Variants in KCNJ6 observed in about 807,000 individuals in gnomAD.
KCNJ6 encodes G protein-activated inward rectifier potassium channel 2.
In KCNJ6, 9 loss-of-function variants were observed where a neutral mutation model predicts 34.2. The observed-to-expected ratio is 0.26, with a 90% CI of 0.16 to 0.46. The LOEUF is 0.46. KCNJ6 is among the 20% of genes least tolerant of loss of function. The pLI, the probability that KCNJ6 is intolerant of heterozygous loss-of-function variation, is 1.00. For synonymous variants in KCNJ6, 196 were observed against 207.1 expected (o/e 0.95, Z 0.46); for missense variants, 236 against 531.3 (o/e 0.44, Z 5.46).
chr21:37,733,524 G>A (rs548771890), intron 2 of KCNJ6, among the ~76,000 whole-genome samples: 1 of 152,242 alleles, frequency 6.6e-6, no homozygotes, highest in African/African-American at 2.4e-5. Flanking sequence ...AAACATCTCC[G>A]CATCTCAGCA....
At chr21:37,632,162 G>A (rs1375408991) in intron 3 of KCNJ6, among the ~76,000 whole-genome samples, 1 of 151,924 alleles carries the variant, frequency 6.6e-6, no homozygotes, top group Non-Finnish European at 1.5e-5. Context: ...CTGGAGAAGA[G>A]GATTTCCAGA....
intron 2 of KCNJ6, among the ~76,000 whole-genome samples, chr21:37,835,052 C>T (rs974280043): frequency 1.6e-4 from 24 of 152,284 alleles, no homozygotes; most frequent in South Asian, 4.1e-4. Flanking sequence ...CCCCTAGGGA[C>T]GCTCTGGCTG....
At chr21:37,727,458 C>CGTGTGT (rs33993661) in intron 2 of KCNJ6, among the ~76,000 whole-genome samples, 7 of 148,030 alleles carry the variant, frequency 4.7e-5, no homozygotes, top group Non-Finnish European at 7.4e-5. Flanking sequence ...TGAGGACTCA[C>CGTGTGT]GTGTGTGTGT....
chr21:37,642,839 A>G (rs2054387283), intron 3 of KCNJ6, among the ~76,000 whole-genome samples: 3 of 152,164 alleles, frequency 2.0e-5, no homozygotes, highest in South Asian at 2.1e-4. Flanking sequence ...ACAAAAAAAG[A>G]TACTTATAAC....
chr21:37,854,180 A>G lies in KCNJ6; in HGVS notation c.-27-13471T>C, dbSNP rs890836850. 3.9e-5 allele frequency among the ~76,000 whole-genome samples: 6 copies of G among 152,034 alleles called. 1 individual carries two copies. The highest frequency in any genetic ancestry group is 1.4e-4 in the African/African-American group (6 of 41,430). ...TAAAAAGCAACTCCAACTACATATCATTAAAAAAAACTCACTTCAAATATA... is the reference window on the plus strand; with the variant it reads ...TAAAAAGCAACTCCAACTACATATCGTTAAAAAAAACTCACTTCAAATATA... On this transcript the variant is annotated intron_variant, in intron 1 of 3. Transcript: ENST00000609713.
chr21:37,759,414 C>T (rs1406476030), intron 2 of KCNJ6, among the ~76,000 whole-genome samples: 1 of 152,156 alleles, frequency 6.6e-6, no homozygotes, highest in Non-Finnish European at 1.5e-5. Flanking sequence ...TGAAACGCGG[C>T]CTCTCCATCC....
chr21:37,835,618 T>C (rs1192667908), intron 2 of KCNJ6, among the ~76,000 whole-genome samples: 4 of 152,216 alleles, frequency 2.6e-5, no homozygotes, highest in Non-Finnish European at 1.5e-5. Context: ...CTCCAATTTG[T>C]CATCATCTGA....
At chr21:37,704,730 C>A (rs2054710380) in intron 3 of KCNJ6, among the ~76,000 whole-genome samples, 1 of 152,024 alleles carries the variant, frequency 6.6e-6, no homozygotes, top group South Asian at 2.1e-4. Context: ...GAATGGAAAC[C>A]CCAGCCGAGC....
At chr21:37,855,370 T>C (rs1038740803) in intron 1 of KCNJ6, among the ~76,000 whole-genome samples, 2 of 152,186 alleles carry the variant, frequency 1.3e-5, no homozygotes, top group Non-Finnish European at 2.9e-5. Context: ...CTTTAGCTTC[T>C]TTATTGGAAC....
chr21:37,798,337 C>T (rs2055252909), intron 2 of KCNJ6, among the ~76,000 whole-genome samples: 1 of 152,170 alleles, frequency 6.6e-6, no homozygotes, highest in Admixed American at 6.5e-5. Flanking sequence ...GCTTTGAGTC[C>T]TCCTTCCCAC....
In KCNJ6 at chr21:37,847,826, A is replaced by G. The variant is rs529775393; in HGVS notation, c.-27-7117T>C. Among the ~76,000 whole-genome samples the G allele has an allele frequency of 2.6e-5, 4 of 152,036 alleles. No homozygotes were observed. In the South Asian group the frequency reaches 8.3e-4, roughly 32 times the overall value. On this transcript the variant is annotated intron_variant, in intron 1 of 3. Transcript: ENST00000609713. ...AAACAGAATAGAGACAGAGAATGAG[A>G]CTGGAGAAAATGTAGTTCTAACTCA...
Position 37,723,701 on chromosome 21 carries a change from G to A in KCNJ6, c.26-8570C>T, listed in dbSNP as rs140362830. Among the ~76,000 whole-genome samples the A allele has an allele frequency of 2.4e-3, 359 of 152,290 alleles. 2 individuals are homozygous for A. Among genetic ancestry groups the A allele is most frequent in the Non-Finnish European group, 4.0e-3 (274 of 68,028 alleles). ...ACTGTATGTTCTCACTTATGAGTAGGAGCTAAACACTGAGGATTAATGGAT... is the reference window on the plus strand; with the variant it reads ...ACTGTATGTTCTCACTTATGAGTAGAAGCTAAACACTGAGGATTAATGGAT... On this transcript the variant is annotated intron_variant, in intron 2 of 3. Transcript: ENST00000609713.
In KCNJ6 at chr21:37,666,771, A is replaced by G. The variant is rs1379319343; in HGVS notation, c.947-41287T>C. Among the ~76,000 whole-genome samples, 3 of 152,034 alleles carry G rather than the reference A, an allele frequency of 2.0e-5. No individual in the cohort carries two copies. The East Asian group carries it at 5.8e-4, about 29-fold the overall frequency. ...TTGTTACTGTGTCTGTGTAGAAAGAAGTAGACATAGGAGACTCCATTTTGT... is the reference window on the plus strand; with the variant it reads ...TTGTTACTGTGTCTGTGTAGAAAGAGGTAGACATAGGAGACTCCATTTTGT... On this transcript the variant is annotated intron_variant, in intron 3 of 3. Transcript: ENST00000609713.
At chr21:37,785,154 G>A (rs9979142) in intron 2 of KCNJ6, among the ~76,000 whole-genome samples, 4,655 of 152,264 alleles carry the variant, frequency 0.031, 124 homozygotes, top group Middle Eastern at 0.058. Flanking sequence ...AGTCTCCTGG[G>A]AGTTTCAGAG....
At chr21:37,692,968 A>C (rs1196131627) in intron 3 of KCNJ6, among the ~76,000 whole-genome samples, 4 of 152,200 alleles carry the variant, frequency 2.6e-5, no homozygotes, top group African/African-American at 4.8e-5. Flanking sequence ...CAAGAGCCAC[A>C]AAGAAACTCA....
chr21:37,747,111 G>A (rs886530232), intron 2 of KCNJ6, among the ~76,000 whole-genome samples: 15 of 152,312 alleles, frequency 9.8e-5, no homozygotes, highest in African/African-American at 3.6e-4. Flanking sequence ...AGAGAGGAAG[G>A]GGAATGGAGG....
chr21:37,661,204 C>A, intron 3 of KCNJ6, among the ~76,000 whole-genome samples: 1 of 152,140 alleles, frequency 6.6e-6, no homozygotes, highest in African/African-American at 2.4e-5. Flanking sequence ...CCTCCCCACT[C>A]CCACCTTTTG....
At chr21:37,784,225 A>C (rs1019601533) in intron 2 of KCNJ6, among the ~76,000 whole-genome samples, 17 of 152,242 alleles carry the variant, frequency 1.1e-4, no homozygotes, top group African/African-American at 3.9e-4. Flanking sequence ...CGATTTTTCC[A>C]AACTGTGTGC....
chr21:37,847,664 G>C (rs1410575036), intron 1 of KCNJ6, among the ~76,000 whole-genome samples: 1 of 151,948 alleles, frequency 6.6e-6, no homozygotes, highest in Non-Finnish European at 1.5e-5. Flanking sequence ...TGCAATATGT[G>C]GTATCAAGGG....
Sources: allele counts gnomAD v4.1 joint callset (sites outside exome capture counted in the v4.1 genomes callset), GRCh38; gene constraint gnomAD v4.1.1; transcripts MANE v1.5; gene names NCBI Gene and HGNC (gene_info 2026-07-23, HGNC 2026-07-21).